The following CTNND2 variants were observed in gnomAD, a reference collection of about 807,000 sequenced individuals.
The protein encoded by CTNND2 is catenin delta-2.
Under a neutral mutation model 144.4 loss-of-function variants are expected in CTNND2, and 22 were observed. The ratio of observed to expected loss-of-function variants is 0.15; its 90% CI spans 0.11 to 0.22. CTNND2 has a LOEUF of 0.22. Among genes scored for constraint, CTNND2 ranks in the 10% least tolerant of loss-of-function variants. CTNND2 has a pLI of 1.00. For synonymous variants in CTNND2, 751 were observed against 695.6 expected (o/e 1.08, Z -1.25); for missense variants, 1,353 against 1,618.8 (o/e 0.84, Z 2.82).
Position 11,132,635 on chromosome 5 carries a change from G to T in CTNND2, c.2160-15068C>A, listed in dbSNP as rs374483257. On this transcript the variant is annotated intron_variant, in intron 12 of 21. Transcript: ENST00000304623. ...ATTTCTGCTGTTTGTAAGCTATCTT[G>T]TCTCTCGTATTTCACTATGGCAGGC... is the stretch of plus-strand genomic sequence containing the variant. Among the ~76,000 whole-genome samples the T allele has an allele frequency of 3.9e-5, 6 of 152,242 alleles. No individual in the cohort carries two copies. In the East Asian group the frequency reaches 1.2e-3, roughly 29 times the overall value.
intron 1 of CTNND2, among the ~76,000 whole-genome samples, chr5:11,878,950 G>C (rs1336868594): frequency 6.6e-6 from 1 of 152,178 alleles, no homozygotes. Context: ...AATTGCACTG[G>C]AAGCTTTTAC....
intron 12 of CTNND2, among the ~76,000 whole-genome samples, chr5:11,142,172 T>C (rs1756798394): frequency 6.6e-6 from 1 of 152,154 alleles, no homozygotes; most frequent in Non-Finnish European, 1.5e-5. Context: ...CAGCATAAAA[T>C]GGACTAAGAC....
chr5:11,311,899 CCA>C (rs771556246), intron 9 of CTNND2, among the ~76,000 whole-genome samples: 4 of 101,076 alleles, frequency 4.0e-5, no homozygotes, highest in East Asian at 5.2e-4. Context: ...ATACACACGC[CCA>C]CACACACTCC....
At chr5:11,614,323 T>C (rs1455065540) in intron 2 of CTNND2, among the ~76,000 whole-genome samples, 1 of 152,200 alleles carries the variant, frequency 6.6e-6, no homozygotes, top group Non-Finnish European at 1.5e-5. Flanking sequence ...GTCTGACTTG[T>C]GGTAAGTCTG....
intron 1 of CTNND2, among the ~76,000 whole-genome samples, chr5:11,842,343 T>C (rs1794514968): frequency 6.6e-6 from 1 of 152,052 alleles, no homozygotes; most frequent in African/African-American, 2.4e-5. Context: ...CACAAGCAAA[T>C]TCTATACTAT....
intron 2 of CTNND2, among the ~76,000 whole-genome samples, chr5:11,650,641 G>A (rs1782601220): frequency 6.6e-6 from 1 of 152,190 alleles, no homozygotes; most frequent in Non-Finnish European, 1.5e-5. Context: ...GGCTGAGGTG[G>A]TCTCAGATGA....
At chr5:11,250,705 C>T (rs1402861846) in intron 9 of CTNND2, among the ~76,000 whole-genome samples, 2 of 151,548 alleles carry the variant, frequency 1.3e-5, no homozygotes, top group African/African-American at 2.4e-5. Context: ...TTTCTACAGA[C>T]AGGGTCTCAC....
At chr5:11,366,858 A>T (rs1052592994) in intron 7 of CTNND2, among the ~76,000 whole-genome samples, 1 of 152,198 alleles carries the variant, frequency 6.6e-6, no homozygotes, top group African/African-American at 2.4e-5. Flanking sequence ...GTCTTAGGCT[A>T]TATGTAAAAA....
At chr5:11,748,686 C>A (rs189281231) in intron 1 of CTNND2, among the ~76,000 whole-genome samples, 31 of 152,180 alleles carry the variant, frequency 2.0e-4, no homozygotes, top group Admixed American at 4.6e-4. Context: ...TAAATTACCT[C>A]CTAATGAAAA....
At chr5:11,567,916 A>G (rs1777250154) in intron 2 of CTNND2, among the ~76,000 whole-genome samples, 1 of 152,156 alleles carries the variant, frequency 6.6e-6, no homozygotes, top group Non-Finnish European at 1.5e-5. Flanking sequence ...TATTCCTATA[A>G]TTGTCTTCAG....
chr5:11,634,336 G>T (rs1261175494), intron 2 of CTNND2, among the ~76,000 whole-genome samples: 1 of 152,158 alleles, frequency 6.6e-6, no homozygotes, highest in Admixed American at 6.6e-5. Context: ...CTCAATTTCA[G>T]AACTGATTCT....
chr5:11,778,452 A>G (rs1211178087), intron 1 of CTNND2, among the ~76,000 whole-genome samples: 2 of 152,194 alleles, frequency 1.3e-5, no homozygotes, highest in Non-Finnish European at 2.9e-5. Context: ...ATCATCAGAG[A>G]TGAGCCATGC....
chr5:11,067,527 G>C (rs1429475547), intron 16 of CTNND2, among the ~76,000 whole-genome samples: 3 of 152,202 alleles, frequency 2.0e-5, no homozygotes, highest in Non-Finnish European at 4.4e-5. Flanking sequence ...CCAGAGGTTA[G>C]CCAAGACTGG....
At position 11,331,701 on chromosome 5, in the gene CTNND2, T is replaced by A. The variant is rs142569205; in HGVS notation, c.1628+14671A>T. Among the ~76,000 whole-genome samples, 55 of 152,252 alleles carry A rather than the reference T, an allele frequency of 3.6e-4. No homozygotes were observed. The East Asian group carries it at 9.8e-3, about 27-fold the overall frequency. ...AAATATCTAAAACCCCAAGGCGAGA[T>A]TTCCCAAATAGCATACACAACTATT... On this transcript the variant is annotated intron_variant, in intron 9 of 21. Transcript: ENST00000304623.
At chr5:11,278,292 C>T (rs1220099528) in intron 9 of CTNND2, among the ~76,000 whole-genome samples, 1 of 152,346 alleles carries the variant, frequency 6.6e-6, no homozygotes, top group East Asian at 1.9e-4. Flanking sequence ...CCTGCCTCTG[C>T]TTCCTCACTG....
At chr5:11,753,161 G>A (rs1439134291) in intron 1 of CTNND2, among the ~76,000 whole-genome samples, 1 of 151,524 alleles carries the variant, frequency 6.6e-6, no homozygotes, top group Non-Finnish European at 1.5e-5. Context: ...CTATTTGGAT[G>A]CCTTTTATTT....
intron 10 of CTNND2, among the ~76,000 whole-genome samples, chr5:11,229,175 T>C (rs375517802): frequency 5.4e-4 from 83 of 152,320 alleles, no homozygotes; most frequent in African/African-American, 1.9e-3. Flanking sequence ...AAGTCAATCC[T>C]TCTCACATAT....
intron 3 of CTNND2, among the ~76,000 whole-genome samples, chr5:11,550,299 C>T (rs1455055123): frequency 6.6e-6 from 1 of 152,178 alleles, no homozygotes; most frequent in Non-Finnish European, 1.5e-5. Context: ...CTGGCTACTA[C>T]CTCCTTAAAT....
At chr5:11,709,060 T>C (rs1420310797) in intron 2 of CTNND2, among the ~76,000 whole-genome samples, 1 of 152,214 alleles carries the variant, frequency 6.6e-6, no homozygotes, top group Non-Finnish European at 1.5e-5. Context: ...AGGTATCCTG[T>C]AAGATTGAAG....
Sources: allele counts gnomAD v4.1 joint callset (sites outside exome capture counted in the v4.1 genomes callset), GRCh38; gene constraint gnomAD v4.1.1; transcripts MANE v1.5; gene names NCBI Gene and HGNC (gene_info 2026-07-23, HGNC 2026-07-21).